The following MOB3B variants were observed in gnomAD, a reference collection of about 807,000 sequenced individuals.
MOB3B encodes the protein MOB kinase activator-like 2B.
A neutral mutation model predicts 18.7 loss-of-function variants in MOB3B; 7 were observed. The ratio of observed to expected loss-of-function variants is 0.37; its 90% CI spans 0.21 to 0.70. The LOEUF (loss-of-function observed/expected upper bound fraction) is 0.70, where lower values mean the gene tolerates loss of function less well. MOB3B is among the 30% of genes least tolerant of loss of function. MOB3B has a pLI of 0.52. For missense variants in MOB3B, 253 were observed against 281.3 expected, an observed-to-expected ratio of 0.90 and a Z score of 0.72; for synonymous variants, 111 against 99.9, an observed-to-expected ratio of 1.11 and a Z score of -0.66.
At chr9:27,355,491 G>A (rs1821175161) in intron 3 of MOB3B, among the ~76,000 whole-genome samples, 1 of 152,026 alleles carries the variant, frequency 6.6e-6, no homozygotes, top group African/African-American at 2.4e-5. Flanking sequence ...AAAAATGGGT[G>A]ACATTTATTA....
chr9:27,398,767 A>C (rs549080975), intron 2 of MOB3B, among the ~76,000 whole-genome samples: 1 of 152,328 alleles, frequency 6.6e-6, no homozygotes, highest in South Asian at 2.1e-4. Context: ...ACATATAATC[A>C]AATACTGTGA....
intron 2 of MOB3B, among the ~76,000 whole-genome samples, chr9:27,452,432 A>G (rs1341019493): frequency 6.6e-6 from 1 of 152,236 alleles, no homozygotes; most frequent in Non-Finnish European, 1.5e-5. Context: ...AAAAACATGA[A>G]TAAAACCAGA....
intron 1 of MOB3B, among the ~76,000 whole-genome samples, chr9:27,485,013 T>C (rs998295386): frequency 6.6e-6 from 1 of 152,188 alleles, no homozygotes; most frequent in Non-Finnish European, 1.5e-5. Context: ...CTTGCCAGTA[T>C]TTTTAAACAG....
chr9:27,379,764 A>G (rs548501348), intron 2 of MOB3B, among the ~76,000 whole-genome samples: 7 of 152,220 alleles, frequency 4.6e-5, no homozygotes, highest in Non-Finnish European at 8.8e-5. Flanking sequence ...GATCTTGAAA[A>G]GATTATAAGC....
intron 1 of MOB3B, among the ~76,000 whole-genome samples, chr9:27,467,463 C>A (rs1260829154): frequency 6.6e-6 from 1 of 152,190 alleles, no homozygotes; most frequent in Non-Finnish European, 1.5e-5. Context: ...GGAGTCCCAA[C>A]CATAATGTGC....
intron 2 of MOB3B, among the ~76,000 whole-genome samples, chr9:27,441,599 C>G (rs956657415): frequency 7.9e-5 from 12 of 152,188 alleles, no homozygotes; most frequent in African/African-American, 2.9e-4. Flanking sequence ...AGCAAGATTT[C>G]ATCATGCTAC....
intron 2 of MOB3B, among the ~76,000 whole-genome samples, chr9:27,442,170 T>C (rs1368933462): frequency 6.6e-6 from 1 of 152,196 alleles, no homozygotes; most frequent in Non-Finnish European, 1.5e-5. Flanking sequence ...TTTCCTAGTT[T>C]TAATTTCTAA....
chr9:27,498,225 T>G (rs1819930296), intron 1 of MOB3B, among the ~76,000 whole-genome samples: 1 of 152,184 alleles, frequency 6.6e-6, no homozygotes, highest in African/African-American at 2.4e-5. Flanking sequence ...AGCTTGTGCC[T>G]CATAGAGTAA....
intron 2 of MOB3B, among the ~76,000 whole-genome samples, chr9:27,427,871 C>T (rs1822360522): frequency 6.6e-6 from 1 of 152,140 alleles, no homozygotes; most frequent in South Asian, 2.1e-4. Flanking sequence ...CTAGGTCAGG[C>T]TCTCCAGCAG....
chr9:27,343,567 C>T (rs536468726), intron 3 of MOB3B, among the ~76,000 whole-genome samples: 172 of 150,964 alleles, frequency 1.1e-3, no homozygotes, highest in African/African-American at 4.1e-3. Flanking sequence ...TATTCTCAGA[C>T]TCCCAGTGAA....
At position 27,327,415 on chromosome 9, in the gene MOB3B, C is replaced by T. The variant is rs772248625; in HGVS notation, c.*3172G>A. On this transcript the variant is annotated 3_prime_UTR_variant, in exon 4 of 4. Coordinates refer to ENST00000262244, the MANE Select transcript of MOB3B (RefSeq NM_024761.5). ...GCAGTAGTAAGGAAACAACATCACACATGTAGCAGTCTTGGGAAAAAAAAT... is the reference window on the plus strand; with the variant it reads ...GCAGTAGTAAGGAAACAACATCACATATGTAGCAGTCTTGGGAAAAAAAAT... 12 of 151,942 alleles carry T rather than the reference C, an allele frequency of 7.9e-5. No homozygotes were observed. The highest frequency in any genetic ancestry group is 1.6e-4 in the Non-Finnish European group (11 of 68,004). 9.4% of individuals were successfully genotyped at this position (151,942 alleles called of 1,614,324 possible).
chr9:27,423,035 T>G (rs1822278799), intron 2 of MOB3B, among the ~76,000 whole-genome samples: 1 of 152,160 alleles, frequency 6.6e-6, no homozygotes, highest in African/African-American at 2.4e-5. Context: ...AGCTGAGGCT[T>G]TACTTATGGG....
intron 1 of MOB3B, among the ~76,000 whole-genome samples, chr9:27,516,970 T>C (rs1230301962): frequency 1.3e-5 from 2 of 152,148 alleles, no homozygotes; most frequent in Admixed American, 6.5e-5. Context: ...AGCCTGCTCC[T>C]CCTCCCACAG....
At chr9:27,476,404 G>A (rs528374796) in intron 1 of MOB3B, among the ~76,000 whole-genome samples, 18 of 152,242 alleles carry the variant, frequency 1.2e-4, no homozygotes, top group African/African-American at 4.1e-4. Flanking sequence ...TGTAGACTCA[G>A]CACCTCAATC....
chr9:27,351,987 A>G (rs1821111373), intron 3 of MOB3B, among the ~76,000 whole-genome samples: 1 of 152,192 alleles, frequency 6.6e-6, no homozygotes, highest in South Asian at 2.1e-4. Context: ...GCACCTACAC[A>G]CTGGGGGTGG....
intron 2 of MOB3B, among the ~76,000 whole-genome samples, chr9:27,430,493 C>G (rs1340156990): frequency 6.6e-6 from 1 of 152,206 alleles, no homozygotes. Flanking sequence ...CTTTCACCCA[C>G]TACTGCAGCC....
chr9:27,475,468 T>A (rs1402531731), intron 1 of MOB3B, among the ~76,000 whole-genome samples: 1 of 152,226 alleles, frequency 6.6e-6, no homozygotes, highest in Non-Finnish European at 1.5e-5. Context: ...TTGTTTATAA[T>A]CACATACAAA....
At chr9:27,368,913 C>T (rs1821374854) in intron 2 of MOB3B, among the ~76,000 whole-genome samples, 1 of 152,164 alleles carries the variant, frequency 6.6e-6, no homozygotes, top group South Asian at 2.1e-4. Flanking sequence ...TCCCCAGCTC[C>T]CAGATGGCTG....
At chr9:27,497,942 T>G (rs2477524) in intron 1 of MOB3B, among the ~76,000 whole-genome samples, 1 of 152,198 alleles carries the variant, frequency 6.6e-6, no homozygotes, top group Admixed American at 6.5e-5. Context: ...GACAAGAAGA[T>G]GAAATGTGAA....
Sources: gnomAD v4.1 joint callset for allele counts (sites outside exome capture counted in the v4.1 genomes callset) on GRCh38, gnomAD v4.1.1 for gene constraint, MANE v1.5 for transcripts, NCBI Gene and HGNC (gene_info 2026-07-23, HGNC 2026-07-21) for gene names.